INTS8: variants seen among roughly 807,000 people sequenced by gnomAD.
The protein encoded by INTS8 is protein kaonashi-1.
INTS8 carries 47 observed loss-of-function variants against 138.9 expected under a neutral mutation model. That is an observed-to-expected ratio of 0.34 (90% confidence interval 0.27 to 0.43). The LOEUF (loss-of-function observed/expected upper bound fraction) is 0.43. Among genes scored for constraint, INTS8 ranks in the 20% least tolerant of loss-of-function variants. The pLI is 1.00. For synonymous variants in INTS8, 392 were observed against 400.9 expected, an observed-to-expected ratio of 0.98 and a Z score of 0.27; for missense variants, 996 against 1,173.0, an observed-to-expected ratio of 0.85 and a Z score of 2.20.
chr8:94,844,366 G>A (rs555631447), intron 10 of INTS8, among the ~76,000 whole-genome samples: 1 of 150,446 alleles, frequency 6.6e-6, no homozygotes, highest in South Asian at 2.1e-4. Flanking sequence ...GCCCAGGCTG[G>A]AGTGCAGTGG....
At chr8:94,857,529 A>G (rs1815796035) in intron 15 of INTS8, among the ~76,000 whole-genome samples, 1 of 152,208 alleles carries the variant, frequency 6.6e-6, no homozygotes, top group African/African-American at 2.4e-5. Flanking sequence ...CAACATAAAT[A>G]TATTATCTCC....
chr8:94,846,951 G>T (rs750106257), intron 10 of INTS8, among the ~76,000 whole-genome samples: 1 of 152,206 alleles, frequency 6.6e-6, no homozygotes, highest in African/African-American at 2.4e-5. Context: ...ACTAGGTCAT[G>T]ATCGTTTTTT....
Position 94,876,077 on chromosome 8 carries a change from G to C in INTS8, c.2692G>C (p.Ala898Pro). 6.3e-7 allele frequency: 1 copy of C among 1,597,936 alleles called. No homozygotes were observed. Among genetic ancestry groups the C allele is most frequent in the Middle Eastern group, 1.8e-4 (1 of 5,622 alleles). Residue 898 changes from alanine (A) to proline (P), a missense_variant, in exon 24 of 27, where the codon GCC becomes CCC. Ala to Pro is a conservative substitution (Grantham distance 27). Transcript: ENST00000523731. ...TTTCAAATCTTTGTTAATGTAGGTG[G>C]CCATTTTATGTCAGTTCCTCAGAGA... Reference protein sequence around the residue: ...CSLLNCHTQVAILCQFLREID... With the variant: ...CSLLNCHTQVPILCQFLREID...
intron 26 of INTS8, among the ~76,000 whole-genome samples, chr8:94,878,262 C>T (rs924947888): frequency 5.3e-5 from 8 of 152,192 alleles, no homozygotes; most frequent in Non-Finnish European, 1.0e-4. Flanking sequence ...ACATTCTCTT[C>T]GTGGACTCTA....
chr8:94,881,484 T>C lies in INTS8; in HGVS notation c.*1250T>C. 1.4e-6 allele frequency: 1 copy of C among 696,814 alleles called. No individual in the cohort carries two copies. Among genetic ancestry groups the C allele is most frequent in the Non-Finnish European group, 2.4e-6 (1 of 418,288 alleles). The allele number at this position is 696,814 out of a possible 1,614,324, so 43.2% of individuals were successfully genotyped here. A position where few individuals can be genotyped will look rare whatever the true frequency, so the allele number is the denominator to read the frequency against. ...TAAATGTATTCTTTAGTGCCAATTGTAAGTTTTAAAATCAGAATGGCAGTG... is the reference window on the plus strand; with the variant it reads ...TAAATGTATTCTTTAGTGCCAATTGCAAGTTTTAAAATCAGAATGGCAGTG... On this transcript the variant is annotated 3_prime_UTR_variant, in exon 27 of 27. Coordinates refer to ENST00000523731, the MANE Select transcript of INTS8 (RefSeq NM_017864.4).
chr8:94,857,423 G>A (rs560373905), intron 15 of INTS8, among the ~76,000 whole-genome samples: 3 of 152,178 alleles, frequency 2.0e-5, no homozygotes, highest in African/African-American at 7.2e-5. Context: ...ACAGAATTTG[G>A]GTTTGGTGTT....
Position 94,838,534 on chromosome 8 carries a change from T to C in INTS8, c.933T>C (p.Val311=), listed in dbSNP as rs750865401. Residue 311 remains valine (V), a synonymous_variant, in exon 8 of 27, where the codon GTT becomes GTC. Coordinates refer to ENST00000523731, the MANE Select transcript of INTS8 (RefSeq NM_017864.4). ...CTGGCTATTGTCAAGCATGTGATGT[T>C]CTTGTACCTTCTTCTGATAGTACAT... is the stretch of plus-strand genomic sequence containing the variant. ...RLAGYCQACD[V]LVPSSDSTSQ... The C allele has an allele frequency of 3.2e-5, 52 of 1,612,416 alleles. No individual in the cohort carries two copies. The highest frequency in any genetic ancestry group is 4.2e-5 in the Non-Finnish European group (50 of 1,178,490).
chr8:94,880,885 CA>C lies in INTS8; in HGVS notation c.*653del. ...GATATACAAAAAGGTTATTACCAAG[CA>C]ACCTACATGTCAAGAAAGCCCCAGT... On this transcript the variant is annotated 3_prime_UTR_variant, in exon 27 of 27. Coordinates refer to ENST00000523731, the MANE Select transcript of INTS8 (RefSeq NM_017864.4). 2.5e-6 allele frequency: 1 copy of C among 398,726 alleles called. No individual in the cohort carries two copies. Among genetic ancestry groups the C allele is most frequent in the Non-Finnish European group, 4.4e-6 (1 of 225,904 alleles). 24.7% of individuals were successfully genotyped at this position (398,726 alleles called of 1,614,324 possible).
chr8:94,861,343 G>C lies in INTS8; in HGVS notation c.2076+1711G>C, dbSNP rs1265827588. Among the ~76,000 whole-genome samples, 3 of 122,012 alleles carry C rather than the reference G, an allele frequency of 2.5e-5. No individual in the cohort carries two copies. The Admixed American group carries it at 3.2e-4, about 13-fold the overall frequency. The allele number at this position is 122,012 out of a possible 152,430, so 80.0% of individuals were successfully genotyped here. On this transcript the variant is annotated intron_variant, in intron 16 of 26. Coordinates refer to ENST00000523731, the MANE Select transcript of INTS8 (RefSeq NM_017864.4). The stretch of plus-strand genomic sequence containing the variant: ...GTGGCGCGATCTCGGCTCACTGCCA[G>C]CTCCGCCTCCCGGGTTCACGCCATT...
rs577767812 is a variant in INTS8, at chr8:94,827,525, G to A, written c.446+122G>A. On this transcript the variant is annotated intron_variant, in intron 3 of 26. Coordinates refer to ENST00000523731, the MANE Select transcript of INTS8 (RefSeq NM_017864.4). ...AGGGATTTTTCAAATCTGGGGAACT[G>A]TGAGTCTAATGGTGGAGAAAATTTG... The A allele has an allele frequency of 2.7e-4, 331 of 1,244,250 alleles. 1 individual carries two copies. In the East Asian group the frequency reaches 7.5e-3, roughly 28 times the overall value. 77.1% of individuals were successfully genotyped at this position (1,244,250 alleles called of 1,614,324 possible). A position where few individuals can be genotyped will look rare whatever the true frequency, so the allele number is the denominator to read the frequency against.
chr8:94,850,290 C>T (rs1265902708), intron 12 of INTS8, among the ~76,000 whole-genome samples, 199 bp downstream of exon 12: 2 of 152,200 alleles, frequency 1.3e-5, no homozygotes, highest in African/African-American at 4.8e-5. Context: ...ATGATTAGTA[C>T]AGATTCAGTC....
At chr8:94,826,945 AAC>A (rs756277007) in intron 2 of INTS8, among the ~76,000 whole-genome samples, 7 of 152,096 alleles carry the variant, frequency 4.6e-5, no homozygotes, top group East Asian at 1.9e-4. Context: ...CTCTACTAAA[AAC>A]ACAAAAAATT....
chr8:94,837,410 T>C (rs778188174), intron 7 of INTS8, among the ~76,000 whole-genome samples: 20 of 152,198 alleles, frequency 1.3e-4, no homozygotes, highest in Non-Finnish European at 5.9e-5. Flanking sequence ...AGTAGAGATA[T>C]TGATTAAATG....
intron 6 of INTS8, among the ~76,000 whole-genome samples, chr8:94,834,922 T>G (rs7005317): frequency 6.6e-6 from 1 of 151,958 alleles, no homozygotes; most frequent in Non-Finnish European, 1.5e-5. Context: ...AGGTTGGTTT[T>G]GTGGTATAAA....
At position 94,837,083 on chromosome 8, in the gene INTS8, A is replaced by G. The variant is rs144339951; in HGVS notation, c.861+452A>G. On this transcript the variant is annotated intron_variant, in intron 7 of 26. Transcript: ENST00000523731. ...TACAATTATTGCCATGTCAATGGTT[A>G]TGTATTTTTCTAAGGCTATAATTTA... is the stretch of plus-strand genomic sequence containing the variant. Among the ~76,000 whole-genome samples the G allele has an allele frequency of 5.5e-3, 843 of 152,316 alleles. 7 individuals carry two copies. The highest frequency in any genetic ancestry group is 0.019 in the African/African-American group (792 of 41,582).
At chr8:94,853,722 G>C in intron 13 of INTS8, 83 bp from the exon 14 acceptor site, 3 of 722,882 alleles carry the variant, frequency 4.2e-6, no homozygotes, top group Non-Finnish European at 2.4e-6. Context: ...TTTTAAATGC[G>C]ATTGAAGATT....
chr8:94,841,494 G>T lies in INTS8; in HGVS notation c.1021G>T (p.Val341Leu), dbSNP rs143590735. 6.3e-5 allele frequency: 99 copies of T among 1,562,216 alleles called. No individual in the cohort carries two copies. The African/African-American group carries it at 1.2e-3, about 20-fold the overall frequency. ...CAACTTTATGTGTGTGTTCTAGGAGGTAATACAGATTTTCATTGAAGACAA... is the reference window on the plus strand; with the variant it reads ...CAACTTTATGTGTGTGTTCTAGGAGTTAATACAGATTTTCATTGAAGACAA... ...ICLRSGNYQE[V>L]IQIFIEDNLT... Residue 341 changes from valine to leucine, a missense_variant, in exon 9 of 27, where the codon GTA becomes TTA. Physicochemically the swap from Val to Leu is conservative, Grantham distance 32 (BLOSUM62 1). Coordinates refer to ENST00000523731, the MANE Select transcript of INTS8 (RefSeq NM_017864.4).
intron 5 of INTS8, among the ~76,000 whole-genome samples, chr8:94,829,411 C>T (rs1403706963): frequency 5.9e-5 from 9 of 151,898 alleles, no homozygotes; most frequent in South Asian, 2.1e-4. Flanking sequence ...GTGTAGTTCA[C>T]GATAGGGTTT....
At position 94,832,194 on chromosome 8, in the gene INTS8, T is replaced by C. The variant is rs772086443; in HGVS notation, c.753+20T>C. On this transcript the variant is annotated intron_variant, in intron 6 of 26. Coordinates refer to ENST00000523731, the MANE Select transcript of INTS8 (RefSeq NM_017864.4). Reference sequence around the variant, plus strand: ...TGCCAGGTATTCATTTGATACTTAATTTACGTAGGGCAATTTTTTGGAAAA... The same window carrying C: ...TGCCAGGTATTCATTTGATACTTAACTTACGTAGGGCAATTTTTTGGAAAA... 1.3e-6 allele frequency: 2 copies of C among 1,594,164 alleles called. No homozygotes were observed. The highest frequency in any genetic ancestry group is 3.7e-5 in the Admixed American group (2 of 54,448).
Sources: allele counts gnomAD v4.1 joint callset (sites outside exome capture counted in the v4.1 genomes callset), GRCh38; gene constraint gnomAD v4.1.1; transcripts MANE v1.5; gene names NCBI Gene and HGNC (gene_info 2026-07-23, HGNC 2026-07-21).